Variants in NOL4 observed in about 807,000 individuals in gnomAD.
The protein encoded by NOL4 is nucleolar protein 4.
Under a neutral mutation model 75.9 loss-of-function variants are expected in NOL4, and 17 were observed. That is an observed-to-expected ratio of 0.22 (90% CI 0.15 to 0.34). NOL4 has a LOEUF of 0.34. NOL4 is among the 10% of genes least tolerant of loss of function. NOL4 has a pLI of 1.00. For synonymous variants in NOL4, 292 were observed against 289.9 expected (o/e 1.01, Z -0.07); for missense variants, 614 against 793.5 (o/e 0.77, Z 2.72).
chr18:34,129,567 T>C (rs548256119), intron 2 of NOL4, among the ~76,000 whole-genome samples: 6 of 151,574 alleles, frequency 4.0e-5, no homozygotes, highest in Middle Eastern at 3.5e-3. Flanking sequence ...ACTCATTGAA[T>C]ATATAATATT....
chr18:33,967,953 G>T (rs2070739607), intron 6 of NOL4, among the ~76,000 whole-genome samples: 2 of 152,106 alleles, frequency 1.3e-5, no homozygotes, highest in African/African-American at 4.8e-5. Flanking sequence ...AGGCGTGGTG[G>T]CGGGCACCTC....
intron 9 of NOL4, among the ~76,000 whole-genome samples, chr18:33,897,048 A>C (rs549540098): frequency 6.6e-6 from 1 of 152,310 alleles, no homozygotes; most frequent in South Asian, 2.1e-4. Context: ...AGAAATGCAA[A>C]TCAAAACCAC....
At chr18:34,046,562 T>C (rs2076372280) in intron 5 of NOL4, among the ~76,000 whole-genome samples, 1 of 142,408 alleles carries the variant, frequency 7.0e-6, no homozygotes, top group African/African-American at 2.6e-5. Context: ...AGGTAGTAAA[T>C]TGGCTAAGTC....
chr18:34,049,097 C>A (rs968294076), intron 5 of NOL4, among the ~76,000 whole-genome samples: 1 of 143,406 alleles, frequency 7.0e-6, no homozygotes, highest in Non-Finnish European at 1.6e-5. Context: ...CACACACACA[C>A]ACACACACAC....
At chr18:33,997,084 G>A (rs148223566) in intron 6 of NOL4, among the ~76,000 whole-genome samples, 1 of 151,922 alleles carries the variant, frequency 6.6e-6, no homozygotes, top group East Asian at 1.9e-4. Context: ...CTGTGCATAA[G>A]CTCTTTAGTT....
intron 9 of NOL4, among the ~76,000 whole-genome samples, chr18:33,910,888 C>A (rs996491427): frequency 1.3e-5 from 2 of 152,130 alleles, no homozygotes; most frequent in Admixed American, 6.5e-5. Context: ...TGTTGCATCA[C>A]TTAATATTTC....
chr18:34,063,458 G>A (rs902689400), intron 5 of NOL4, among the ~76,000 whole-genome samples: 1 of 151,796 alleles, frequency 6.6e-6, no homozygotes, highest in African/African-American at 2.4e-5. Flanking sequence ...ATGTTTTAGG[G>A]ACTATAATTA....
chr18:34,186,948 C>A (rs2146368315), intron 1 of NOL4, among the ~76,000 whole-genome samples: 1 of 152,270 alleles, frequency 6.6e-6, no homozygotes, highest in Admixed American at 6.5e-5. Flanking sequence ...TATGCTGTAT[C>A]CTATCATATA....
intron 5 of NOL4, among the ~76,000 whole-genome samples, chr18:34,039,430 A>G (rs930557085): frequency 1.3e-5 from 2 of 152,040 alleles, no homozygotes; most frequent in Non-Finnish European, 2.9e-5. Context: ...GCAGACTTCA[A>G]TGAATCTCTA....
rs555787489 is a variant in NOL4, at chr18:34,071,147, C to G, written c.772+22318G>C. 2.0e-5 allele frequency among the ~76,000 whole-genome samples: 3 copies of G among 151,908 alleles called. No individual in the cohort carries two copies. The South Asian group carries it at 6.3e-4, about 32-fold the overall frequency. ...ATAGATGTTTTAGGTGGTGGATATA[C>G]CAAAAAACATGATTTGATCATTACA... On this transcript the variant is annotated intron_variant, in intron 5 of 10. Coordinates refer to ENST00000261592, the MANE Select transcript of NOL4 (RefSeq NM_003787.5).
chr18:33,994,377 G>T (rs1452384169), intron 6 of NOL4, among the ~76,000 whole-genome samples: 1 of 151,856 alleles, frequency 6.6e-6, no homozygotes, highest in African/African-American at 2.4e-5. Context: ...AAGTGCATGT[G>T]GATCATTCTG....
chr18:33,873,242 C>T (rs938165240), intron 10 of NOL4, among the ~76,000 whole-genome samples: 2 of 150,268 alleles, frequency 1.3e-5, no homozygotes, highest in Non-Finnish European at 2.9e-5. Context: ...ACATAATAGA[C>T]TTTATGTGTT....
chr18:34,040,946 T>A (rs1209790523), intron 5 of NOL4, among the ~76,000 whole-genome samples: 1 of 152,014 alleles, frequency 6.6e-6, no homozygotes, highest in African/African-American at 2.4e-5. Context: ...GCAGAGAACA[T>A]TTAAGTTGGC....
intron 1 of NOL4, among the ~76,000 whole-genome samples, chr18:34,175,863 A>T (rs933993776): frequency 2.6e-5 from 4 of 152,138 alleles, no homozygotes; most frequent in Non-Finnish European, 5.9e-5. Flanking sequence ...AATCTTGGGG[A>T]GAGACAAGAA....
chr18:34,153,226 C>T (rs2081733438), intron 1 of NOL4, among the ~76,000 whole-genome samples: 1 of 151,840 alleles, frequency 6.6e-6, no homozygotes, highest in Non-Finnish European at 1.5e-5. Context: ...TTTATATTAA[C>T]ATTACACTAT....
At chr18:34,110,640 CT>C (rs1359729372) in intron 2 of NOL4, among the ~76,000 whole-genome samples, 3 of 152,132 alleles carry the variant, frequency 2.0e-5, no homozygotes, top group Non-Finnish European at 4.4e-5. Flanking sequence ...AGGATGCCCA[CT>C]TTTGTCACTT....
In NOL4 at chr18:34,094,092, T is replaced by A. The variant is rs142924907; in HGVS notation, c.640-495A>T. Among the ~76,000 whole-genome samples the A allele has an allele frequency of 4.7e-3, 718 of 152,204 alleles. 8 individuals are homozygous for A. The highest frequency in any genetic ancestry group is 6.4e-3 in the Non-Finnish European group (435 of 68,006). Reference sequence around the variant, plus strand: ...AAAAACAATGGAATAATTTCTCCCTTCAAGGAATTTCAAGACTTGTGAAAT... The same window carrying A: ...AAAAACAATGGAATAATTTCTCCCTACAAGGAATTTCAAGACTTGTGAAAT... On this transcript the variant is annotated intron_variant, in intron 4 of 10. Coordinates refer to ENST00000261592, the MANE Select transcript of NOL4 (RefSeq NM_003787.5).
intron 9 of NOL4, among the ~76,000 whole-genome samples, chr18:33,897,100 A>G (rs576916480): frequency 2.6e-5 from 4 of 152,296 alleles, no homozygotes; most frequent in African/African-American, 9.6e-5. Context: ...GCTATTACTA[A>G]AAAGTCAAAA....
intron 9 of NOL4, among the ~76,000 whole-genome samples, chr18:33,904,074 C>T (rs1320803804): frequency 1.1e-4 from 17 of 152,020 alleles, no homozygotes; most frequent in Non-Finnish European, 7.4e-5. Flanking sequence ...TGCTTTTTGG[C>T]TTTTGGTTTT....
Sources: allele counts gnomAD v4.1 joint callset (sites outside exome capture counted in the v4.1 genomes callset), GRCh38; gene constraint gnomAD v4.1.1; transcripts MANE v1.5; gene names NCBI Gene and HGNC (gene_info 2026-07-23, HGNC 2026-07-21).